The following DCBLD2 variants were observed in gnomAD, a reference collection of about 807,000 sequenced individuals.
DCBLD2 encodes the protein discoidin, CUB and LCCL domain containing 2, also known as discoidin, CUB and LCCL domain-containing protein 2.
DCBLD2 carries 54 observed loss-of-function variants against 86.8 expected under a neutral mutation model. That is an observed-to-expected ratio of 0.62 (90% CI 0.50 to 0.78). DCBLD2 has a LOEUF of 0.78. Among genes scored for constraint, DCBLD2 ranks in the 30% least tolerant of loss-of-function variants. The pLI is 0.00. For synonymous variants in DCBLD2, 354 were observed against 341.3 expected (o/e 1.04, Z -0.41); for missense variants, 908 against 954.2 (o/e 0.95, Z 0.64).
intron 2 of DCBLD2, among the ~76,000 whole-genome samples, chr3:98,870,757 G>GAAAAGAAAGAAAGA (rs71124008): frequency 1.8e-5 from 2 of 111,438 alleles, no homozygotes; most frequent in African/African-American, 7.0e-5. Context: ...AAGAAAGAAA[G>GAAAAGAAAGAAAGA]AAAGAAAGAA....
chr3:98,870,810 A>T (rs78226267), intron 2 of DCBLD2, among the ~76,000 whole-genome samples: 1 of 131,580 alleles, frequency 7.6e-6, no homozygotes, highest in Admixed American at 7.4e-5. Context: ...AGAAAGAAAG[A>T]AAGGTAGGCA....
intron 1 of DCBLD2, among the ~76,000 whole-genome samples, chr3:98,891,471 T>C (rs1326282767): frequency 6.6e-6 from 1 of 152,032 alleles, no homozygotes; most frequent in Non-Finnish European, 1.5e-5. Context: ...TCTAATAGGT[T>C]TCCCCACTTT....
intron 2 of DCBLD2, among the ~76,000 whole-genome samples, chr3:98,878,701 A>G (rs1943411907): frequency 6.6e-6 from 1 of 152,184 alleles, no homozygotes. Flanking sequence ...CAGTGGGTAT[A>G]CGGTAGGTGT....
intron 2 of DCBLD2, among the ~76,000 whole-genome samples, chr3:98,881,331 G>C (rs1207566491): frequency 6.6e-6 from 1 of 151,318 alleles, no homozygotes; most frequent in Non-Finnish European, 1.5e-5. Context: ...TTGGGCAAGG[G>C]TACCAATATG....
At position 98,796,016 on chromosome 3, in the gene DCBLD2, C is replaced by G. The variant is rs951140618; in HGVS notation, c.*3356G>C. 3 of 152,298 alleles carry G rather than the reference C, an allele frequency of 2.0e-5. No individual in the cohort carries two copies. Among genetic ancestry groups the G allele is most frequent in the Non-Finnish European group, 4.4e-5 (3 of 67,958 alleles). The allele number at this position is 152,298 out of a possible 1,614,324, so 9.4% of individuals were successfully genotyped here. On this transcript the variant is annotated 3_prime_UTR_variant, in exon 16 of 16. Coordinates refer to ENST00000326840, the MANE Select transcript of DCBLD2 (RefSeq NM_080927.4). ...AAACCTCAAGGTTGTTTTATTTAAA[C>G]CAAATAATCTGAGCAAGACATATAT...
At chr3:98,894,812 C>CTAGAAA (rs1943724090) in intron 1 of DCBLD2, among the ~76,000 whole-genome samples, 1 of 152,030 alleles carries the variant, frequency 6.6e-6, no homozygotes, top group African/African-American at 2.4e-5. Context: ...AAATGGGGTT[C>CTAGAAA]TTAATTCACA....
At chr3:98,809,681 C>G (rs941560110) in intron 12 of DCBLD2, among the ~76,000 whole-genome samples, 6 of 152,148 alleles carry the variant, frequency 3.9e-5, no homozygotes, top group African/African-American at 1.4e-4. Context: ...TGAGAACAGA[C>G]AGAAGAGCTA....
intron 1 of DCBLD2, among the ~76,000 whole-genome samples, chr3:98,885,058 T>A (rs73138063): frequency 6.6e-6 from 1 of 152,010 alleles, no homozygotes; most frequent in Non-Finnish European, 1.5e-5. Context: ...TACTAACTGA[T>A]GAAAAACAGG....
chr3:98,872,418 T>C (rs913537562), intron 2 of DCBLD2, among the ~76,000 whole-genome samples: 5 of 152,174 alleles, frequency 3.3e-5, no homozygotes, highest in Non-Finnish European at 5.9e-5. Context: ...CCTCCATGAG[T>C]TGAAGCAGCA....
chr3:98,824,156 A>C (rs111427999), intron 4 of DCBLD2, among the ~76,000 whole-genome samples: 1 of 152,298 alleles, frequency 6.6e-6, no homozygotes, highest in African/African-American at 2.4e-5. Flanking sequence ...TATGGTGAAG[A>C]GTATGGAATA....
chr3:98,852,361 C>G (rs996929989), intron 2 of DCBLD2, among the ~76,000 whole-genome samples: 5 of 152,010 alleles, frequency 3.3e-5, no homozygotes, highest in Non-Finnish European at 5.9e-5. Context: ...ATTCTCCTGT[C>G]TCAGCCTCCC....
At position 98,884,778 on chromosome 3, in the gene DCBLD2, T is replaced by C. The variant is rs1466583300; in HGVS notation, c.206-3011A>G. ...AGGCAGCTTTTAAGGTGATTGAAAG[T>C]GTAGATGAATTTCAGAAACTCAAGT... On this transcript the variant is annotated intron_variant, in intron 1 of 15. Coordinates refer to ENST00000326840, the MANE Select transcript of DCBLD2 (RefSeq NM_080927.4). Among the ~76,000 whole-genome samples the C allele has an allele frequency of 2.0e-5, 3 of 152,188 alleles. 1 individual carries two copies. Among genetic ancestry groups the C allele is most frequent in the South Asian group, 4.1e-4 (2 of 4,832 alleles).
At chr3:98,861,714 C>T (rs1943047596) in intron 2 of DCBLD2, among the ~76,000 whole-genome samples, 2 of 152,002 alleles carry the variant, frequency 1.3e-5, no homozygotes, top group African/African-American at 4.8e-5. Flanking sequence ...ATCTCTGGGA[C>T]ACATTTAAAG....
At chr3:98,863,242 G>C (rs1489371945) in intron 2 of DCBLD2, among the ~76,000 whole-genome samples, 2 of 152,130 alleles carry the variant, frequency 1.3e-5, no homozygotes, top group Admixed American at 1.3e-4. Flanking sequence ...GAACATTCCA[G>C]GCTCATGGAG....
chr3:98,816,300 T>C (rs1399370228), intron 9 of DCBLD2: 1 of 149,570 alleles, frequency 6.7e-6, no homozygotes, highest in Admixed American at 6.7e-5. Context: ...CTTAGAGAAA[T>C]TACCTTTCAA....
At position 98,811,544 on chromosome 3, in the gene DCBLD2, T is replaced by C. The variant is rs1941939863; in HGVS notation, c.1374A>G (p.Pro458=). The stretch of plus-strand genomic sequence containing the variant: ...GAGGAGGTGGAGGTTGAGTAAGTTT[T>C]GGAGGACGACCTTGAAAAATGGTTT... ...GCQFIPKGRP[P]KLTQPPPPRN... The change falls in exon 11 of 16, where the codon CCA becomes CCG. Residue 458 remains proline (P), a synonymous_variant. Transcript: ENST00000326840. 2 of 1,572,056 alleles carry C rather than the reference T, an allele frequency of 1.3e-6. No homozygotes were observed. Among genetic ancestry groups the C allele is most frequent in the African/African-American group, 2.7e-5 (2 of 72,764 alleles).
chr3:98,879,234 CT>C (rs1466973678), intron 2 of DCBLD2, among the ~76,000 whole-genome samples: 2 of 152,162 alleles, frequency 1.3e-5, no homozygotes, highest in African/African-American at 4.8e-5. Flanking sequence ...ATCCTTCTCC[CT>C]ATTTCTGAAA....
chr3:98,846,997 TAAG>T (rs1167543644), intron 3 of DCBLD2, among the ~76,000 whole-genome samples: 2 of 152,026 alleles, frequency 1.3e-5, no homozygotes, highest in Admixed American at 6.6e-5. Flanking sequence ...TTAATGAAAA[TAAG>T]AAGCAAATTA....
chr3:98,891,731 C>T (rs184657700), intron 1 of DCBLD2, among the ~76,000 whole-genome samples: 74 of 152,256 alleles, frequency 4.9e-4, no homozygotes, highest in Admixed American at 3.7e-3. Flanking sequence ...TGACTCCCCA[C>T]ATGCTCCACG....
Sources: gnomAD v4.1 joint callset for allele counts (sites outside exome capture counted in the v4.1 genomes callset) on GRCh38, gnomAD v4.1.1 for gene constraint, MANE v1.5 for transcripts, NCBI Gene and HGNC (gene_info 2026-07-23, HGNC 2026-07-21) for gene names.